PIK3C2G: variants seen among roughly 807,000 people sequenced by gnomAD.
The protein encoded by PIK3C2G is phosphatidylinositol 3-kinase C2 domain-containing subunit gamma.
PIK3C2G carries 168 observed loss-of-function variants against 181.1 expected under a neutral mutation model. The observed-to-expected ratio is 0.93, with a 90% CI of 0.82 to 1.05. The LOEUF (loss-of-function observed/expected upper bound fraction) is 1.05, where lower values mean the gene tolerates loss of function less well. Ranked by LOEUF, PIK3C2G falls within the 50% of genes least tolerant of loss-of-function variation. PIK3C2G has a pLI of 0.00. For missense variants in PIK3C2G, 1,869 were observed against 1,732.8 expected, an observed-to-expected ratio of 1.08 and a Z score of -1.40; for synonymous variants, 573 against 592.2, an observed-to-expected ratio of 0.97 and a Z score of 0.47.
At chr12:18,650,994 G>C (rs1950490166), downstream of PIK3C2G, among the ~76,000 whole-genome samples, 1 of 151,678 alleles carries the variant, frequency 6.6e-6, no homozygotes, top group Non-Finnish European at 1.5e-5. Flanking sequence ...TCATTCTTCT[G>C]TTCAAAACTC....
the PIK3C2G span, chr12:18,712,802 C>G: frequency 6.2e-7 from 1 of 1,601,586 alleles, no homozygotes; most frequent in Non-Finnish European, 8.6e-7. Context: ...AGAATTGCTT[C>G]TGTTTAAATA....
At chr12:18,609,268 G>T (rs998659687) in intron 30 of PIK3C2G, among the ~76,000 whole-genome samples, 13 of 151,964 alleles carry the variant, frequency 8.6e-5, no homozygotes, top group African/African-American at 3.1e-4. Flanking sequence ...TGGCACTGAG[G>T]TTTTAAGCTT....
intron 24 of PIK3C2G, among the ~76,000 whole-genome samples, chr12:18,528,252 T>C (rs2136206444): frequency 6.6e-6 from 1 of 152,292 alleles, no homozygotes; most frequent in Non-Finnish European, 1.5e-5. Context: ...GAAATGTAGG[T>C]CATTTGTGAT....
the PIK3C2G span, among the ~76,000 whole-genome samples, chr12:18,673,977 T>A: frequency 6.6e-6 from 1 of 152,196 alleles, no homozygotes; most frequent in Admixed American, 6.5e-5. Context: ...ATCACCTTCA[T>A]GTTGCTGTAT....
chr12:18,255,806 T>C (rs1389013009), intron 1 of PIK3C2G, among the ~76,000 whole-genome samples: 4 of 152,164 alleles, frequency 2.6e-5, no homozygotes, highest in African/African-American at 4.8e-5. Context: ...TATCCAGGTA[T>C]ACAAGAAGAG....
intron 31 of PIK3C2G, among the ~76,000 whole-genome samples, chr12:18,639,058 T>C (rs1949726929): frequency 1.3e-5 from 2 of 151,822 alleles, no homozygotes; most frequent in South Asian, 2.1e-4. Flanking sequence ...CTCCCCCTCC[T>C]GGGGGAGGAT....
chr12:18,710,132 T>C, the PIK3C2G span, among the ~76,000 whole-genome samples: 1 of 150,264 alleles, frequency 6.7e-6, no homozygotes, highest in Non-Finnish European at 1.5e-5. Context: ...TTTCTTCCTA[T>C]TGGAAATAAT....
chr12:18,450,411 C>T (rs1412790418), intron 18 of PIK3C2G, among the ~76,000 whole-genome samples: 1 of 152,192 alleles, frequency 6.6e-6, no homozygotes, highest in Non-Finnish European at 1.5e-5. Flanking sequence ...CAGGTGTGAG[C>T]CACCAGTCCT....
At chr12:18,261,031 A>G (rs1294919942), upstream of PIK3C2G, among the ~76,000 whole-genome samples, 1 of 152,142 alleles carries the variant, frequency 6.6e-6, no homozygotes, top group Non-Finnish European at 1.5e-5. Flanking sequence ...ATCTTTCTAA[A>G]TTAGAAAAAA....
chr12:18,536,467 G>A (rs1166255742), intron 24 of PIK3C2G, among the ~76,000 whole-genome samples: 1 of 152,110 alleles, frequency 6.6e-6, no homozygotes, highest in Non-Finnish European at 1.5e-5. Flanking sequence ...CAGAGTCATA[G>A]AACTACTATA....
intron 24 of PIK3C2G, among the ~76,000 whole-genome samples, chr12:18,521,923 A>G (rs977790741): frequency 6.6e-6 from 1 of 152,202 alleles, no homozygotes; most frequent in East Asian, 1.9e-4. Context: ...GCACAGTTCC[A>G]TGGAAAAAGC....
At chr12:18,377,504 T>C (rs1023492583) in intron 13 of PIK3C2G, among the ~76,000 whole-genome samples, 2 of 152,180 alleles carry the variant, frequency 1.3e-5, no homozygotes, top group African/African-American at 4.8e-5. Context: ...CCAGCCTAAC[T>C]GACATCTTCC....
intron 5 of PIK3C2G, among the ~76,000 whole-genome samples, chr12:18,307,447 T>C (rs1215027430): frequency 6.6e-6 from 1 of 151,914 alleles, no homozygotes; most frequent in Non-Finnish European, 1.5e-5. Context: ...TAGATGATTA[T>C]TAAATAAAAC....
rs540502569 is a variant in PIK3C2G at position 18,476,178 on chromosome 12, A to T, written c.2505-12271A>T. 1.0e-3 allele frequency among the ~76,000 whole-genome samples: 155 copies of T among 152,314 alleles called. 1 individual carries two copies. The highest frequency in any genetic ancestry group is 1.6e-3 in the Non-Finnish European group (107 of 68,020). On this transcript the variant is annotated intron_variant, in intron 18 of 32. Transcript: ENST00000538779. ...CATACCTGCCCAAGCCTGAAATCCA[A>T]GGAAGCTTTTTTTAGAAAATGTGCT...
At chr12:18,271,881 C>G (rs578059035) in intron 1 of PIK3C2G, among the ~76,000 whole-genome samples, 1 of 152,102 alleles carries the variant, frequency 6.6e-6, no homozygotes, top group Non-Finnish European at 1.5e-5. Context: ...CTACCTAATA[C>G]TCTTTAAATT....
chr12:18,663,530 A>G, the PIK3C2G span, among the ~76,000 whole-genome samples: 1 of 152,172 alleles, frequency 6.6e-6, no homozygotes, highest in Non-Finnish European at 1.5e-5. Flanking sequence ...GGATTTTGAT[A>G]TCCATAGGAG....
chr12:18,581,471 A>G (rs1946496204), intron 29 of PIK3C2G, among the ~76,000 whole-genome samples: 1 of 152,242 alleles, frequency 6.6e-6, no homozygotes, highest in Non-Finnish European at 1.5e-5. Context: ...GTAATGCTCT[A>G]CATAGGAGAA....
At chr12:18,304,138 A>G (rs947021043) in intron 5 of PIK3C2G, among the ~76,000 whole-genome samples, 2 of 152,206 alleles carry the variant, frequency 1.3e-5, no homozygotes, top group Non-Finnish European at 2.9e-5. Flanking sequence ...TCCTTTTATT[A>G]GAGTACAAAA....
the PIK3C2G span, chr12:18,701,874 A>G: frequency 6.7e-7 from 1 of 1,497,374 alleles, no homozygotes; most frequent in East Asian, 2.5e-5. Context: ...CAATTAGCCT[A>G]CAGTAATAAG....
Sources: allele counts gnomAD v4.1 joint callset (sites outside exome capture counted in the v4.1 genomes callset), GRCh38; gene constraint gnomAD v4.1.1; transcripts MANE v1.5; gene names NCBI Gene and HGNC (gene_info 2026-07-23, HGNC 2026-07-21).